SPAG16: variants seen among roughly 807,000 people sequenced by gnomAD.
The protein encoded by SPAG16 is sperm-associated antigen 16 protein.
SPAG16 carries 86 observed loss-of-function variants against 80.4 expected under a neutral mutation model. That is an observed-to-expected ratio of 1.07 (90% CI 0.90 to 1.28). The LOEUF (loss-of-function observed/expected upper bound fraction) is 1.28. SPAG16 is among the 50% of genes most tolerant of loss of function. The probability of loss-of-function intolerance (pLI) is 0.00; values close to 1 mark genes in which losing one functional copy is unlikely to be tolerated. For missense variants in SPAG16, 870 were observed against 765.3 expected (o/e 1.14, Z -1.61); for synonymous variants, 294 against 265.9 (o/e 1.11, Z -1.03).
chr2:213,789,856 AAT>A (rs1437229350), intron 10 of SPAG16, among the ~76,000 whole-genome samples: 1 of 151,958 alleles, frequency 6.6e-6, no homozygotes, highest in African/African-American at 2.4e-5. Flanking sequence ...GGAAGTTAAA[AAT>A]AATTTGTAAA....
chr2:214,332,428 C>T (rs564590646), intron 15 of SPAG16, among the ~76,000 whole-genome samples: 19 of 152,164 alleles, frequency 1.2e-4, no homozygotes, highest in Non-Finnish European at 2.2e-4. Flanking sequence ...ATGGAAGATA[C>T]TGGCTGTTGT....
At chr2:214,296,760 G>C (rs1694164026) in intron 15 of SPAG16, among the ~76,000 whole-genome samples, 1 of 152,174 alleles carries the variant, frequency 6.6e-6, no homozygotes, top group Admixed American at 6.5e-5. Flanking sequence ...TAAATTTCAT[G>C]TTGAAATGCC....
At chr2:213,792,089 G>A (rs1480545720) in intron 10 of SPAG16, among the ~76,000 whole-genome samples, 1 of 152,142 alleles carries the variant, frequency 6.6e-6, no homozygotes, top group East Asian at 1.9e-4. Flanking sequence ...TCTCAGAAAT[G>A]TTGTTTAAAA....
intron 9 of SPAG16, among the ~76,000 whole-genome samples, chr2:213,403,736 G>A (rs568024388): frequency 1.8e-4 from 27 of 152,252 alleles, no homozygotes; most frequent in African/African-American, 3.4e-4. Context: ...GAAATAAAGC[G>A]TATTCAATTA....
At chr2:213,374,893 A>G (rs2066809118) in intron 8 of SPAG16, 117 bp from the exon 9 acceptor site, 3 of 696,716 alleles carry the variant, frequency 4.3e-6, no homozygotes, top group Non-Finnish European at 7.2e-6. Context: ...TCAATAATTT[A>G]ATGAATTTTT....
chr2:213,315,379 G>T (rs1209144702), intron 4 of SPAG16, among the ~76,000 whole-genome samples: 1 of 151,670 alleles, frequency 6.6e-6, no homozygotes, highest in South Asian at 2.1e-4. Context: ...CTCTCATCTT[G>T]TCTGCTTGAT....
At chr2:213,968,309 G>A (rs1037580729) in intron 12 of SPAG16, among the ~76,000 whole-genome samples, 1 of 151,990 alleles carries the variant, frequency 6.6e-6, no homozygotes, top group Non-Finnish European at 1.5e-5. Flanking sequence ...CAAGCAGCTG[G>A]GATTACAGGC....
At chr2:213,624,469 A>G (rs562621723) in intron 10 of SPAG16, among the ~76,000 whole-genome samples, 6 of 152,314 alleles carry the variant, frequency 3.9e-5, no homozygotes, top group African/African-American at 1.4e-4. Context: ...GTGTCACAGT[A>G]GAAAAGTTTT....
intron 10 of SPAG16, among the ~76,000 whole-genome samples, chr2:213,842,064 T>C (rs926382552): frequency 2.0e-5 from 3 of 152,120 alleles, no homozygotes; most frequent in South Asian, 4.1e-4. Flanking sequence ...CTTGTTAGGG[T>C]TGACAAAATA....
chr2:213,856,457 C>T (rs2075171658), intron 10 of SPAG16, among the ~76,000 whole-genome samples: 1 of 152,216 alleles, frequency 6.6e-6, no homozygotes, highest in Non-Finnish European at 1.5e-5. Context: ...GGCAATGCCC[C>T]AGTTGGGACT....
chr2:214,021,804 A>G (rs1016269212), intron 13 of SPAG16, among the ~76,000 whole-genome samples: 5 of 152,144 alleles, frequency 3.3e-5, no homozygotes, highest in Non-Finnish European at 2.9e-5. Context: ...GTAGAGACTT[A>G]CTGCTTTCTC....
intron 9 of SPAG16, among the ~76,000 whole-genome samples, chr2:213,483,993 A>T (rs1489051530): frequency 6.6e-6 from 1 of 152,178 alleles, no homozygotes; most frequent in Non-Finnish European, 1.5e-5. Flanking sequence ...TGACACAAAT[A>T]AGAAGTTTAG....
At chr2:213,983,395 C>T (rs544736333) in intron 12 of SPAG16, among the ~76,000 whole-genome samples, 1 of 151,886 alleles carries the variant, frequency 6.6e-6, no homozygotes, top group African/African-American at 2.4e-5. Flanking sequence ...ATGCTTTATG[C>T]CAAACTGTGG....
intron 11 of SPAG16, among the ~76,000 whole-genome samples, chr2:213,920,813 T>C (rs1480378735): frequency 6.6e-6 from 1 of 152,220 alleles, no homozygotes; most frequent in East Asian, 1.9e-4. Flanking sequence ...ACATCTCTTG[T>C]CATACTCTGC....
intron 9 of SPAG16, among the ~76,000 whole-genome samples, chr2:213,458,247 A>G (rs879235447): frequency 6.6e-6 from 1 of 152,006 alleles, no homozygotes; most frequent in African/African-American, 2.4e-5. Context: ...ATCTGAGATC[A>G]TTTGCCTTCT....
At chr2:213,786,720 A>G (rs751386567) in intron 10 of SPAG16, among the ~76,000 whole-genome samples, 1 of 152,162 alleles carries the variant, frequency 6.6e-6, no homozygotes, top group Non-Finnish European at 1.5e-5. Flanking sequence ...ACATATGTCT[A>G]ATAATGTGTT....
intron 15 of SPAG16, among the ~76,000 whole-genome samples, chr2:214,279,869 A>G (rs1692779165): frequency 6.6e-6 from 1 of 152,222 alleles, no homozygotes; most frequent in Admixed American, 6.5e-5. Flanking sequence ...GTCCCCAAAT[A>G]TTTGAAAATC....
intron 15 of SPAG16, among the ~76,000 whole-genome samples, chr2:214,151,866 G>T (rs535768085): frequency 2.0e-5 from 3 of 152,274 alleles, no homozygotes; most frequent in African/African-American, 7.2e-5. Context: ...ATTATAAATA[G>T]CATCCTGTCT....
At position 214,395,152 on chromosome 2, in the gene SPAG16, T is replaced by C. The variant is rs1207508619; in HGVS notation, c.1721-14988T>C. On this transcript the variant is annotated intron_variant, in intron 15 of 15. Coordinates refer to ENST00000331683, the MANE Select transcript of SPAG16 (RefSeq NM_024532.5). Reference sequence around the variant, plus strand: ...GCTTTCAACTTTTGGCAATTATGAATGAAGCTTCTATAAACATTCTTGTAC... The same window carrying C: ...GCTTTCAACTTTTGGCAATTATGAACGAAGCTTCTATAAACATTCTTGTAC... Among the ~76,000 whole-genome samples, 8 of 152,334 alleles carry C rather than the reference T, an allele frequency of 5.3e-5. No individual in the cohort carries two copies. In the East Asian group the frequency reaches 1.5e-3, roughly 29 times the overall value.
Sources: allele counts gnomAD v4.1 joint callset (sites outside exome capture counted in the v4.1 genomes callset), GRCh38; gene constraint gnomAD v4.1.1; transcripts MANE v1.5; gene names NCBI Gene and HGNC (gene_info 2026-07-23, HGNC 2026-07-21).